The following CPEB1 variants were observed in gnomAD, a reference collection of about 807,000 sequenced individuals.
The protein encoded by CPEB1 is cytoplasmic polyadenylation element-binding protein 1.
A neutral mutation model predicts 65.8 loss-of-function variants in CPEB1; 7 were observed. That is an observed-to-expected ratio of 0.11 (90% CI 0.06 to 0.20). The LOEUF is 0.20. Ranked by LOEUF, CPEB1 falls within the 10% of genes least tolerant of loss-of-function variation. The pLI is 1.00. For synonymous variants in CPEB1, 262 were observed against 260.0 expected (o/e 1.01, Z -0.08); for missense variants, 551 against 712.2 (o/e 0.77, Z 2.58).
intron 3 of CPEB1, among the ~76,000 whole-genome samples, chr15:82,615,302 C>T (rs1459879367): frequency 6.6e-6 from 1 of 152,162 alleles, no homozygotes; most frequent in African/African-American, 2.4e-5. Context: ...AAGGACCTTG[C>T]TTCATCTCAC....
At chr15:82,617,096 C>T (rs783527) in intron 3 of CPEB1, among the ~76,000 whole-genome samples, 60,694 of 152,034 alleles carry the variant, frequency 0.4, 12,178 homozygotes, top group South Asian at 0.49. Flanking sequence ...AGGCAACCAC[C>T]GATCTCCCTG....
At chr15:82,647,743 C>T (rs2047700611), upstream of CPEB1, 4 of 1,007,588 alleles carry the variant, frequency 4.0e-6, no homozygotes, top group Non-Finnish European at 5.1e-6. Context: ...CGGGACTCGC[C>T]CGCACGGGGC....
intron 3 of CPEB1, among the ~76,000 whole-genome samples, chr15:82,610,958 CAAAAAAAAAAAAAAA>C (rs60065545): frequency 1.3e-4 from 4 of 30,018 alleles, no homozygotes; most frequent in African/African-American, 5.1e-4. Context: ...ACTCCAGTCT[CAAAAAAAAAAAAAAA>C]AAAAAAAAAA....
intron 1 of CPEB1, among the ~76,000 whole-genome samples, chr15:82,637,090 T>TG (rs757997790): frequency 7.0e-4 from 106 of 152,338 alleles, no homozygotes; most frequent in Non-Finnish European, 9.8e-4. Flanking sequence ...AGAGGGAACT[T>TG]GGAGTCTGGG....
At chr15:82,632,005 G>A (rs571233920) in intron 1 of CPEB1, among the ~76,000 whole-genome samples, 218 of 117,636 alleles carry the variant, frequency 1.9e-3, no homozygotes, top group South Asian at 3.5e-3. Flanking sequence ...TTTTTGAGAC[G>A]GAGTCTCGTT....
At chr15:82,548,675 C>T (rs1383204031) in intron 10 of CPEB1, 1 of 455,550 alleles carries the variant, frequency 2.2e-6, no homozygotes, top group African/African-American at 2.0e-5. Context: ...ACTCTGGAGA[C>T]CTATTAAGAG....
chr15:82,618,763 TTA>T (rs1491211907), intron 3 of CPEB1, among the ~76,000 whole-genome samples: 4 of 152,062 alleles, frequency 2.6e-5, no homozygotes, highest in Admixed American at 2.0e-4. Flanking sequence ...AGAGATAAAC[TTA>T]AAGAATCTGC....
Position 82,628,527 on chromosome 15 carries a change from A to G in CPEB1, c.-68T>C. On this transcript the variant is annotated 5_prime_UTR_variant, in exon 2 of 13. Transcript: ENST00000684509. The stretch of plus-strand genomic sequence containing the variant: ...GGCTGCTTTTGACTTCTTTTACAAT[A>G]CAGACCCTTCTATTACACAGGCACT... 1.4e-6 allele frequency: 1 copy of G among 691,964 alleles called. No homozygotes were observed. The highest frequency in any genetic ancestry group is 2.1e-5 in the Admixed American group (1 of 48,628). 42.9% of individuals were successfully genotyped at this position (691,964 alleles called of 1,614,324 possible).
At chr15:82,586,814 T>C (rs1269330811) in intron 3 of CPEB1, among the ~76,000 whole-genome samples, 1 of 152,244 alleles carries the variant, frequency 6.6e-6, no homozygotes, top group Admixed American at 6.5e-5. Flanking sequence ...AGACGATTAC[T>C]ATTCCTAGCC....
rs1378129206 is a variant in CPEB1, at chr15:82,634,149, CAAG to C, written c.-97-5596_-97-5594del. On this transcript the variant is annotated intron_variant, in intron 1 of 12. Transcript: ENST00000684509. ...ACTTATTCATCCTAGCCAAGTTCATCAAGAAGCTTATTTACTTGTTTTAGCATA... is the reference window on the plus strand; with the variant it reads ...ACTTATTCATCCTAGCCAAGTTCATCAAGCTTATTTACTTGTTTTAGCATA... Among the ~76,000 whole-genome samples, 6 of 150,932 alleles carry C rather than the reference CAAG, an allele frequency of 4.0e-5. No individual in the cohort carries two copies. The South Asian group carries it at 1.3e-3, about 32-fold the overall frequency.
At chr15:82,600,945 C>G (rs1215320767) in intron 3 of CPEB1, among the ~76,000 whole-genome samples, 1 of 140,268 alleles carries the variant, frequency 7.1e-6, no homozygotes, top group East Asian at 2.1e-4. Flanking sequence ...TGCTCTATTG[C>G]CCAGGCTAGA....
At chr15:82,586,983 T>C (rs2041855011) in intron 3 of CPEB1, among the ~76,000 whole-genome samples, 1 of 152,194 alleles carries the variant, frequency 6.6e-6, no homozygotes, top group South Asian at 2.1e-4. Context: ...GGAATTGCAA[T>C]TGTCTTTAAG....
At chr15:82,646,772 A>G (rs1036786467) in intron 1 of CPEB1, among the ~76,000 whole-genome samples, 1 of 152,136 alleles carries the variant, frequency 6.6e-6, no homozygotes, top group Non-Finnish European at 1.5e-5. Context: ...AACCCATGAC[A>G]TGAAAAAGCC....
At chr15:82,572,800 G>A (rs2040216977) in intron 3 of CPEB1, among the ~76,000 whole-genome samples, 1 of 152,200 alleles carries the variant, frequency 6.6e-6, no homozygotes, top group Non-Finnish European at 1.5e-5. Flanking sequence ...CTCTCTCAGA[G>A]GTGCTGCACA....
intron 1 of CPEB1, among the ~76,000 whole-genome samples, chr15:82,645,479 TAC>T (rs1215180423): frequency 1.3e-5 from 2 of 151,922 alleles, no homozygotes; most frequent in Non-Finnish European, 2.9e-5. Flanking sequence ...AAGGTTGACT[TAC>T]ACACAGAGTA....
intron 3 of CPEB1, among the ~76,000 whole-genome samples, chr15:82,619,075 A>G (rs1222124623): frequency 6.6e-6 from 1 of 152,266 alleles, no homozygotes; most frequent in Non-Finnish European, 1.5e-5. Flanking sequence ...TTATAAAGCT[A>G]CAATAATTAA....
chr15:82,640,157 G>A (rs1256985135), intron 1 of CPEB1, among the ~76,000 whole-genome samples: 1 of 152,064 alleles, frequency 6.6e-6, no homozygotes, highest in African/African-American at 2.4e-5. Flanking sequence ...GGCGTTTGTT[G>A]TTTTGTCCTA....
chr15:82,627,947 G>C (rs1267563901), intron 2 of CPEB1, among the ~76,000 whole-genome samples: 1 of 152,124 alleles, frequency 6.6e-6, no homozygotes. Flanking sequence ...TGGCCACCCA[G>C]AATGCCATGA....
At chr15:82,604,635 T>C (rs1194791922) in intron 3 of CPEB1, among the ~76,000 whole-genome samples, 2 of 152,002 alleles carry the variant, frequency 1.3e-5, no homozygotes, top group Non-Finnish European at 2.9e-5. Flanking sequence ...AAAGGTATAA[T>C]AACTGCAATG....
Sources: allele counts gnomAD v4.1 joint callset (sites outside exome capture counted in the v4.1 genomes callset), GRCh38; gene constraint gnomAD v4.1.1; transcripts MANE v1.5; gene names NCBI Gene and HGNC (gene_info 2026-07-23, HGNC 2026-07-21).